The following PSD3 variants were observed in gnomAD, a reference collection of about 807,000 sequenced individuals.
PSD3 encodes the protein PH and SEC7 domain-containing protein 3.
A neutral mutation model predicts 105.5 loss-of-function variants in PSD3; 49 were observed. The observed-to-expected ratio is 0.46, with a 90% confidence interval of 0.37 to 0.59. The LOEUF is 0.59. PSD3 is among the 20% of genes least tolerant of loss of function. The probability of loss-of-function intolerance (pLI) is 0.00; values close to 1 mark genes in which losing one functional copy is unlikely to be tolerated. For missense variants in PSD3, 1,561 were observed against 1,263.8 expected (o/e 1.24, Z -3.57); for synonymous variants, 557 against 457.8 (o/e 1.22, Z -2.77).
chr8:18,538,924 AG>A (rs1799988574), intron 15 of PSD3, among the ~76,000 whole-genome samples: 1 of 152,134 alleles, frequency 6.6e-6, no homozygotes, highest in Non-Finnish European at 1.5e-5. Flanking sequence ...AGGGGGTGAG[AG>A]GGGCCAGAAA....
intron 4 of PSD3, among the ~76,000 whole-genome samples, chr8:18,846,685 G>A (rs770866941): frequency 2.0e-5 from 3 of 152,096 alleles, no homozygotes; most frequent in Non-Finnish European, 4.4e-5. Context: ...ATTAAAAGAC[G>A]GCCTCTGCCT....
chr8:19,061,829 A>G (rs1828906541), intron 1 of PSD3, among the ~76,000 whole-genome samples: 1 of 151,304 alleles, frequency 6.6e-6, no homozygotes, highest in Admixed American at 6.6e-5. Context: ...ATCACTTCCC[A>G]GACTTTACAC....
intron 3 of PSD3, 98 bp from the exon 4 acceptor site, chr8:18,868,167 ACT>A: frequency 7.9e-7 from 1 of 1,272,828 alleles, no homozygotes; most frequent in African/African-American, 1.5e-5. Flanking sequence ...TGAAGATCTA[ACT>A]CTTCTATTCA....
chr8:18,752,682 T>C (rs1163891104), intron 9 of PSD3, among the ~76,000 whole-genome samples: 2 of 114,634 alleles, frequency 1.7e-5, no homozygotes, highest in Non-Finnish European at 3.4e-5. Flanking sequence ...ATCAAATATA[T>C]AATCATATAT....
At chr8:18,617,257 A>G (rs997498346) in intron 11 of PSD3, among the ~76,000 whole-genome samples, 5 of 152,074 alleles carry the variant, frequency 3.3e-5, no homozygotes, top group African/African-American at 1.2e-4. Context: ...CTGGCCGGGC[A>G]TGGTCGCTCA....
intron 14 of PSD3, among the ~76,000 whole-genome samples, chr8:18,566,632 G>A (rs1336512614): frequency 1.3e-5 from 2 of 152,106 alleles, no homozygotes; most frequent in Non-Finnish European, 2.9e-5. Flanking sequence ...ATGCAATTCA[G>A]TGGGGTGGCG....
At chr8:18,921,733 T>C (rs1207730684) in intron 2 of PSD3, among the ~76,000 whole-genome samples, 1 of 152,204 alleles carries the variant, frequency 6.6e-6, no homozygotes, top group Non-Finnish European at 1.5e-5. Flanking sequence ...GGCAAAAGTA[T>C]AAAGTCATAC....
intron 11 of PSD3, 88 bp downstream of exon 11, chr8:18,632,525 C>G: frequency 4.3e-6 from 6 of 1,402,020 alleles, no homozygotes; most frequent in Non-Finnish European, 4.9e-6. Flanking sequence ...ATAATTTTTT[C>G]ATCCTTGACT....
intron 4 of PSD3, among the ~76,000 whole-genome samples, chr8:18,842,226 A>G (rs1814684866): frequency 6.6e-6 from 1 of 152,258 alleles, no homozygotes; most frequent in Middle Eastern, 3.2e-3. Flanking sequence ...CAGCTACTCT[A>G]TGCGACATCA....
At chr8:18,804,979 T>C in intron 4 of PSD3, 81 bp from the exon 5 acceptor site, 2 of 1,228,650 alleles carry the variant, frequency 1.6e-6, no homozygotes, top group Non-Finnish European at 2.3e-6. Context: ...ATATTGATAG[T>C]TTTCTTTTAG....
intron 12 of PSD3, among the ~76,000 whole-genome samples, chr8:18,596,464 T>A (rs899704723): frequency 6.6e-6 from 1 of 150,416 alleles, no homozygotes; most frequent in Non-Finnish European, 1.5e-5. Context: ...CAGAAATAAA[T>A]GAAATAGAGA....
At chr8:18,988,946 G>A (rs1380976113) in intron 1 of PSD3, among the ~76,000 whole-genome samples, 1 of 152,224 alleles carries the variant, frequency 6.6e-6, no homozygotes, top group African/African-American at 2.4e-5. Flanking sequence ...CTGCAAGCCA[G>A]GGCCGAGCCC....
intron 9 of PSD3, among the ~76,000 whole-genome samples, chr8:18,682,287 T>A (rs1800432663): frequency 6.6e-6 from 1 of 152,232 alleles, no homozygotes; most frequent in South Asian, 2.1e-4. Context: ...ATACTCCACA[T>A]TAAAACATCC....
intron 9 of PSD3, among the ~76,000 whole-genome samples, chr8:18,741,078 T>C (rs917565159): frequency 2.6e-5 from 4 of 152,336 alleles, no homozygotes; most frequent in Admixed American, 1.3e-4. Flanking sequence ...GATTAAAATA[T>C]TGTTTTCTGT....
chr8:18,602,992 G>C (rs150176087), intron 11 of PSD3, among the ~76,000 whole-genome samples: 1 of 152,226 alleles, frequency 6.6e-6, no homozygotes, highest in Non-Finnish European at 1.5e-5. Flanking sequence ...ATGAGAGGAA[G>C]AGTGAAAAGA....
chr8:18,984,793 G>A (rs1739703781), intron 1 of PSD3, among the ~76,000 whole-genome samples: 1 of 152,178 alleles, frequency 6.6e-6, no homozygotes, highest in Admixed American at 6.5e-5. Context: ...TGACTGTGGG[G>A]TAGTACGGCC....
intron 1 of PSD3, among the ~76,000 whole-genome samples, chr8:18,969,893 G>C (rs958451943): frequency 6.6e-6 from 1 of 152,050 alleles, no homozygotes; most frequent in Non-Finnish European, 1.5e-5. Flanking sequence ...CCCCACAAGG[G>C]ATTTTTTAAA....
At chr8:18,937,264 T>C (rs1374705836) in intron 1 of PSD3, among the ~76,000 whole-genome samples, 2 of 152,202 alleles carry the variant, frequency 1.3e-5, no homozygotes, top group Admixed American at 1.3e-4. Context: ...CTCTTTACTA[T>C]GAACCTAAAC....
intron 2 of PSD3, among the ~76,000 whole-genome samples, chr8:18,897,832 T>A (rs1056557968): frequency 5.9e-5 from 9 of 152,238 alleles, no homozygotes; most frequent in African/African-American, 2.2e-4. Flanking sequence ...GAAACACCAC[T>A]GATTTTTCTA....
Sources: allele counts gnomAD v4.1 joint callset (sites outside exome capture counted in the v4.1 genomes callset), GRCh38; gene constraint gnomAD v4.1.1; transcripts MANE v1.5; gene names NCBI Gene and HGNC (gene_info 2026-07-23, HGNC 2026-07-21).